The following MAP3K6 variants were observed in gnomAD, a reference collection of about 807,000 sequenced individuals.
The protein encoded by MAP3K6 is apoptosis signal-regulating kinase 2.
MAP3K6 carries 105 observed loss-of-function variants against 147.1 expected under a neutral mutation model. That is an observed-to-expected ratio of 0.71 (90% CI 0.61 to 0.84). MAP3K6 has a LOEUF of 0.84. Among genes scored for constraint, MAP3K6 ranks in the 40% least tolerant of loss-of-function variants. The pLI, the probability that MAP3K6 is intolerant of heterozygous loss-of-function variation, is 0.00. For missense variants in MAP3K6, 1,569 were observed against 1,715.0 expected, an observed-to-expected ratio of 0.91 and a Z score of 1.50; for synonymous variants, 695 against 732.4, an observed-to-expected ratio of 0.95 and a Z score of 0.82.
rs773457973 is a variant in MAP3K6, at chr1:27,357,789, C to T, written c.3003G>A (p.Arg1001=). 18 of 1,609,168 alleles carry T rather than the reference C, an allele frequency of 1.1e-5. No individual in the cohort carries two copies. The highest frequency in any genetic ancestry group is 3.4e-5 in the Admixed American group (2 of 59,618). Residue 1001 remains arginine (R), a synonymous_variant, in exon 22 of 29, where the codon CGG becomes CGA. Coordinates refer to ENST00000357582, the MANE Select transcript of MAP3K6 (RefSeq NM_004672.5). Reference sequence around the variant, plus strand: ...GCTCCAATACTGCGGCCAGCATGGCCCGACGCTTGCTCTCCTGGTGCAGCA... The same window carrying T: ...GCTCCAATACTGCGGCCAGCATGGCTCGACGCTTGCTCTCCTGGTGCAGCA... ...LSLLHQESKR[R]AMLAAVLEQE...
intron 5 of MAP3K6, 68 bp from the exon 6 acceptor site, chr1:27,363,616 C>T: frequency 8.0e-7 from 1 of 1,256,932 alleles, no homozygotes; most frequent in Non-Finnish European, 1.1e-6. Context: ...GAGCCAGGGT[C>T]CTGTCCCACT....
rs752918819 is a variant in MAP3K6, at chr1:27,360,720, G to C, written c.2039C>G (p.Pro680Arg). The C allele has an allele frequency of 1.2e-6, 2 of 1,611,970 alleles. No homozygotes were observed. The highest frequency in any genetic ancestry group is 2.2e-5 in the South Asian group (2 of 91,004). Residue 680 changes from proline (P) to arginine (R), a missense_variant, in exon 15 of 29, where the codon CCG (proline) becomes CGG (arginine). Coordinates refer to ENST00000357582, the MANE Select transcript of MAP3K6 (RefSeq NM_004672.5). The surrounding 1 kb of genome is among the most constrained non-coding windows in gnomAD (Gnocchi z 4.5). ...CGCACCGCACCTGCTGTCCCGCTCC[G>C]GGATCTCCTTGATGGCGATGCGCAC... ...TRVRIAIKEIPERDSRFSQPL... is the reference protein window; with the variant it reads ...TRVRIAIKEIRERDSRFSQPL...
chr1:27,360,834 TCAAA>T lies in MAP3K6; in HGVS notation c.1921_1924del (p.Phe641IlefsTer64). On this transcript the variant is annotated frameshift_variant and splice_region_variant, in exon 15 of 29. Coordinates refer to ENST00000357582, the MANE Select transcript of MAP3K6 (RefSeq NM_004672.5). LOFTEE classifies it high-confidence loss of function. This position sits in a 1 kb window ranked among gnomAD's most constrained non-coding sequence, Gnocchi z 4.5. Reference sequence around the variant, plus strand: ...CTCGCCCGTCTCCGTGTACTCATAATCAAACTGCCGGGCGCGGGGTGAGATGGGA... The same window carrying T: ...CTCGCCCGTCTCCGTGTACTCATAATCTGCCGGGCGCGGGGTGAGATGGGA... The T allele has an allele frequency of 6.2e-7, 1 of 1,612,764 alleles. No homozygotes were observed. Among genetic ancestry groups the T allele is most frequent in the Non-Finnish European group, 8.5e-7 (1 of 1,179,822 alleles).
In MAP3K6 at chr1:27,360,297, A is replaced by G. The variant is rs2015699124; in HGVS notation, c.2126T>C (p.Leu709Pro). Residue 709 changes from leucine to proline, a missense_variant, in exon 16 of 29, where the codon CTG becomes CCG. Coordinates refer to ENST00000357582, the MANE Select transcript of MAP3K6 (RefSeq NM_004672.5). This position sits in a 1 kb window ranked among gnomAD's most constrained non-coding sequence, Gnocchi z 4.5. The stretch of plus-strand genomic sequence containing the variant: ...GTAGCCGCCCTGGCTAGCTGAGCCC[A>G]GATAGCGCACTATGTTCTTGTGGCG... ...RLRHKNIVRY[L>P]GSASQGGYLK... The G allele has an allele frequency of 6.2e-6, 10 of 1,614,074 alleles. No individual in the cohort carries two copies. The highest frequency in any genetic ancestry group is 8.5e-6 in the Non-Finnish European group (10 of 1,179,994).
Position 27,361,342 on chromosome 1 carries a change from T to C in MAP3K6, c.1736+4A>G, listed in dbSNP as rs759274506. ...TTCCAGTCACCCCAGGTCCCGCCTA[T>C]CACCTGACTCCGCATATGGAGGCGA... is the stretch of plus-strand genomic sequence containing the variant. On this transcript the variant is annotated splice_donor_region_variant and intron_variant, in intron 12 of 28. Coordinates refer to ENST00000357582, the MANE Select transcript of MAP3K6 (RefSeq NM_004672.5). The C allele has an allele frequency of 1.2e-6, 2 of 1,613,970 alleles. No homozygotes were observed. The highest frequency in any genetic ancestry group is 1.7e-6 in the Non-Finnish European group (2 of 1,179,970).
rs767042366 is a variant in MAP3K6, at chr1:27,358,220, G to A, written c.2876C>T (p.Pro959Leu). The change falls in exon 21 of 29, where the codon CCG becomes CTG. Residue 959 changes from proline to leucine, a missense_variant. Pro to Leu is a moderately conservative substitution (Grantham distance 98, BLOSUM62 -3). Transcript: ENST00000357582. This position sits in a 1 kb window ranked among gnomAD's most constrained non-coding sequence, Gnocchi z 6.2. The stretch of plus-strand genomic sequence containing the variant: ...GCCCCCATAACTGAGGCAGCGCTTC[G>A]GGGGGCTGGGTGGGTGCTGAGAGGG... ...QAPSQHPPSP[P>L]KRCLSYGGTS... 3.6e-5 allele frequency: 57 copies of A among 1,596,186 alleles called. No homozygotes were observed. Among genetic ancestry groups the A allele is most frequent in the Non-Finnish European group, 1.7e-5 (20 of 1,175,182 alleles).
chr1:27,356,669 T>C lies in MAP3K6; in HGVS notation c.3445A>G (p.Ser1149Gly). The C allele has an allele frequency of 6.2e-7, 1 of 1,611,460 alleles. No individual in the cohort carries two copies. Among genetic ancestry groups the C allele is most frequent in the African/African-American group, 1.3e-5 (1 of 74,930 alleles). The change falls in exon 25 of 29, where the codon AGC becomes GGC. Residue 1149 changes from serine (S) to glycine (G), a missense_variant. Ser to Gly is a moderately conservative substitution (Grantham distance 56). Transcript: ENST00000357582. ...GDSQQSPGQQ[S>G]PLPVEPEQGP... ...TGCTCGGGCTCCACCGGAAGCGGGC[T>C]CTGCTGGCCTGGGCTCTGCTGGGAG...
At position 27,358,409 on chromosome 1, in the gene MAP3K6, C is replaced by T. The variant is rs1444018659; in HGVS notation, c.2776+10G>A. On this transcript the variant is annotated intron_variant, in intron 20 of 28. Transcript: ENST00000357582. This position sits in a 1 kb window ranked among gnomAD's most constrained non-coding sequence, Gnocchi z 6.2. ...CCCTCCACTGTGCCCATCCCGCCACCCGCAAGCACCTGAGGGCCGTGGAGC... is the reference window on the plus strand; with the variant it reads ...CCCTCCACTGTGCCCATCCCGCCACTCGCAAGCACCTGAGGGCCGTGGAGC... 8 of 1,582,754 alleles carry T rather than the reference C, an allele frequency of 5.1e-6. No homozygotes were observed. The highest frequency in any genetic ancestry group is 6.0e-6 in the Non-Finnish European group (7 of 1,170,000).
At chr1:27,362,035 T>C in intron 9 of MAP3K6, 56 bp downstream of exon 9, 3 of 1,562,734 alleles carry the variant, frequency 1.9e-6, no homozygotes, top group Non-Finnish European at 2.6e-6. Flanking sequence ...CCAATGGACA[T>C]AGGTGCAGGA....
At position 27,358,623 on chromosome 1, in the gene MAP3K6, G is replaced by A. The variant is rs1330650291; in HGVS notation, c.2584-12C>T. On this transcript the variant is annotated splice_polypyrimidine_tract_variant and intron_variant, in intron 19 of 28. Transcript: ENST00000357582. The surrounding 1 kb of genome is among the most constrained non-coding windows in gnomAD (Gnocchi z 6.2). ...TTGTACATACCCACCTGTGGGGGGA[G>A]GGTGAACAAGGGTGACATTCAGAGG... The A allele has an allele frequency of 6.2e-7, 1 of 1,613,500 alleles. No individual in the cohort carries two copies. Among genetic ancestry groups the A allele is most frequent in the South Asian group, 1.1e-5 (1 of 91,054 alleles).
Position 27,357,057 on chromosome 1 carries a change from A to C in MAP3K6, c.3316T>G (p.Ser1106Ala), listed in dbSNP as rs1464849273. 4 of 1,613,960 alleles carry C rather than the reference A, an allele frequency of 2.5e-6. No homozygotes were observed. The highest frequency in any genetic ancestry group is 2.5e-6 in the Non-Finnish European group (3 of 1,180,026). Residue 1106 changes from serine to alanine, a missense_variant, in exon 24 of 29, where the codon TCA becomes GCA. By Grantham distance (99) the Ser-to-Ala change is moderately conservative. Transcript: ENST00000357582. ...IRPHWMFVLDSLLSRAVRAAL... is the reference protein window; with the variant it reads ...IRPHWMFVLDALLSRAVRAAL... ...GCCCGCACAGCACGGCTGAGCAGTGAGTCCAGAACGAACATCCAGTGTGGA... is the reference window on the plus strand; with the variant it reads ...GCCCGCACAGCACGGCTGAGCAGTGCGTCCAGAACGAACATCCAGTGTGGA...
Position 27,362,894 on chromosome 1 carries a change from A to C in MAP3K6, c.1099T>G (p.Ser367Ala). ...CGGTGCCCAGCATCCTGGAAACCCG[A>C]GCTGAAGAACATGTCCTTGTAGATA... ...GRIYKDMFFS[S>A]GFQDAGHREQ... The change falls in exon 7 of 29, where the codon TCG becomes GCG. Residue 367 changes from serine (S) to alanine (A), a missense_variant. By Grantham distance (99) the Ser-to-Ala change is moderately conservative (BLOSUM62 1). Transcript: ENST00000357582. 1 of 1,614,132 alleles carries C rather than the reference A, an allele frequency of 6.2e-7. No homozygotes were observed. Among genetic ancestry groups the C allele is most frequent in the South Asian group, 1.1e-5 (1 of 91,084 alleles).
At chr1:27,356,249 C>T in intron 26 of MAP3K6, 139 bp downstream of exon 26, 1 of 1,080,180 alleles carries the variant, frequency 9.3e-7, no homozygotes, top group Non-Finnish European at 1.4e-6. Context: ...CTAGAAGCTG[C>T]CTCGAACCCA....
Position 27,357,554 on chromosome 1 carries a change from T to C in MAP3K6, c.3104A>G (p.His1035Arg). 1 of 1,612,090 alleles carries C rather than the reference T, an allele frequency of 6.2e-7. No individual in the cohort carries two copies. The highest frequency in any genetic ancestry group is 8.5e-7 in the Non-Finnish European group (1 of 1,179,026). Residue 1035 changes from histidine to arginine, a missense_variant, in exon 23 of 29, where the codon CAT becomes CGT. His to Arg is a conservative substitution (Grantham distance 29). Transcript: ENST00000357582. The stretch of plus-strand genomic sequence containing the variant: ...GAGGCAGCGCAGCAGCTCTTCCACA[T>C]GGTTTCTGCCCAGACGGGCCCCCTG... ...QEQGARLGRN[H>R]VEELLRCLGA...
intron 24 of MAP3K6, 128 bp from the exon 25 acceptor site, chr1:27,356,877 A>C (rs2015546631): frequency 7.1e-7 from 1 of 1,418,256 alleles, no homozygotes; most frequent in Non-Finnish European, 9.6e-7. Context: ...GGAGATGTCC[A>C]TTTAGTCACG....
rs774784082 is a variant in MAP3K6, at chr1:27,364,848, C to G, written c.405G>C (p.Val135=). 2 of 1,613,020 alleles carry G rather than the reference C, an allele frequency of 1.2e-6. No homozygotes were observed. Among genetic ancestry groups the G allele is most frequent in the South Asian group, 2.2e-5 (2 of 91,018 alleles). ...VQPSLFYHLG[V]RESFSMTNNV... ...TGTTGGTCATGCTGAAGCTCTCACG[C>G]ACACCAAGGTGGTAGAACAGGGAGG... is the stretch of plus-strand genomic sequence containing the variant. The change falls in exon 2 of 29, where the codon GTG becomes GTC. Residue 135 remains valine, a synonymous_variant. Coordinates refer to ENST00000357582, the MANE Select transcript of MAP3K6 (RefSeq NM_004672.5). The surrounding 1 kb of genome is among the most constrained non-coding windows in gnomAD (Gnocchi z 4.4).
At chr1:27,356,322 A>T (rs903952623) in intron 26 of MAP3K6, 66 bp downstream of exon 26, 2 of 1,440,806 alleles carry the variant, frequency 1.4e-6, no homozygotes, top group African/African-American at 2.8e-5. Flanking sequence ...GATGAGCCCA[A>T]GGGTGCCTTG....
At chr1:27,356,951 C>A in intron 24 of MAP3K6, 58 bp downstream of exon 24, 1 of 1,558,360 alleles carries the variant, frequency 6.4e-7, no homozygotes, top group South Asian at 1.1e-5. Flanking sequence ...CGATGTTCAC[C>A]GCGCCCAGCA....
chr1:27,357,447 G>A lies in MAP3K6; in HGVS notation c.3211C>T (p.Leu1071Phe). Residue 1071 changes from leucine (L) to phenylalanine (F), a missense_variant, in exon 23 of 29, where the codon CTT becomes TTT. Leu to Phe is a conservative substitution (Grantham distance 22, BLOSUM62 0). Transcript: ENST00000357582. Reference protein sequence around the residue: ...ALQGRLRAQGLGPALLHRPLF... With the variant: ...ALQGRLRAQGFGPALLHRPLF... Reference sequence around the variant, plus strand: ...GGTCTGTGCAGAAGCGCAGGCCCAAGGCCCTGGGCCCTCAGCCGTCCTTGC... The same window carrying A: ...GGTCTGTGCAGAAGCGCAGGCCCAAAGCCCTGGGCCCTCAGCCGTCCTTGC... 1 of 1,613,134 alleles carries A rather than the reference G, an allele frequency of 6.2e-7. No homozygotes were observed. The highest frequency in any genetic ancestry group is 8.5e-7 in the Non-Finnish European group (1 of 1,179,528).
Sources: allele counts gnomAD v4.1 joint callset, GRCh38; gene constraint gnomAD v4.1.1; non-coding constraint Gnocchi (gnomAD v3.1); transcripts MANE v1.5; gene names NCBI Gene and HGNC (gene_info 2026-07-23, HGNC 2026-07-21).